ANKRD62: variants seen among roughly 807,000 people sequenced by gnomAD.
ANKRD62 encodes the protein ankyrin repeat domain-containing protein 62.
In ANKRD62, 61 loss-of-function variants were observed where a neutral mutation model predicts 98.8. The ratio of observed to expected loss-of-function variants is 0.62; its 90% CI spans 0.50 to 0.76. The LOEUF (loss-of-function observed/expected upper bound fraction) is 0.76, where lower values mean the gene tolerates loss of function less well. Among genes scored for constraint, ANKRD62 ranks in the 30% least tolerant of loss-of-function variants. The pLI, the probability that ANKRD62 is intolerant of heterozygous loss-of-function variation, is 0.00. For missense variants in ANKRD62, 933 were observed against 1,082.9 expected, an observed-to-expected ratio of 0.86 and a Z score of 1.94; for synonymous variants, 341 against 367.9, an observed-to-expected ratio of 0.93 and a Z score of 0.84.
chr18:12,174,397 C>T, the ANKRD62 span, among the ~76,000 whole-genome samples: 3 of 152,246 alleles, frequency 2.0e-5, no homozygotes, highest in Non-Finnish European at 2.9e-5. Flanking sequence ...TCAGCTCGTG[C>T]GTTGTTTTAT....
intron 7 of ANKRD62, among the ~76,000 whole-genome samples, chr18:12,104,863 T>C (rs1909379797): frequency 6.6e-6 from 1 of 152,214 alleles, no homozygotes; most frequent in African/African-American, 2.4e-5. Context: ...TTGCCAGTCA[T>C]CTTCTGATTT....
chr18:12,120,018 G>A (rs1239058430), intron 10 of ANKRD62, among the ~76,000 whole-genome samples: 1 of 151,812 alleles, frequency 6.6e-6, no homozygotes, highest in Non-Finnish European at 1.5e-5. Context: ...TTTTGTTATT[G>A]GTTTCTAATA....
At chr18:12,095,361 G>C (rs911096228) in intron 2 of ANKRD62, 76 bp downstream of exon 2, 1 of 1,532,890 alleles carries the variant, frequency 6.5e-7, no homozygotes. Context: ...TCACCTCATT[G>C]AAATGTGACT....
chr18:12,164,564 A>T, the ANKRD62 span, among the ~76,000 whole-genome samples: 1 of 151,816 alleles, frequency 6.6e-6, no homozygotes, highest in African/African-American at 2.4e-5. Context: ...GTTCTTTAAG[A>T]TGCATTATTG....
At chr18:12,165,505 A>G in the ANKRD62 span, among the ~76,000 whole-genome samples, 1 of 151,924 alleles carries the variant, frequency 6.6e-6, no homozygotes, top group Non-Finnish European at 1.5e-5. Flanking sequence ...ACATAATTGC[A>G]TAAACAAACA....
rs1461362276 is a variant in ANKRD62, at chr18:12,125,774, A to G, written c.1953A>G (p.Thr651=). Residue 651 remains threonine, a synonymous_variant, in exon 13 of 14, where the codon ACA becomes ACG. Transcript: ENST00000587848. The part of the protein sequence containing the change: ...KEKQSMSRLE[T]EMESYRCRLA... ...AACAAAGCATGTCAAGACTGGAAAC[A>G]GAAATGGAATCATACCGTTGTAGAC... is the stretch of plus-strand genomic sequence containing the variant. 20 of 1,548,716 alleles carry G rather than the reference A, an allele frequency of 1.3e-5. No individual in the cohort carries two copies. The highest frequency in any genetic ancestry group is 1.2e-5 in the Non-Finnish European group (14 of 1,147,058).
chr18:12,156,757 TG>T, the ANKRD62 span, among the ~76,000 whole-genome samples: 1 of 151,602 alleles, frequency 6.6e-6, no homozygotes, highest in African/African-American at 2.4e-5. Context: ...TGAATATTTT[TG>T]TTTTCATAAA....
At chr18:12,124,526 A>G (rs1598738143) in intron 12 of ANKRD62, among the ~76,000 whole-genome samples, 1 of 152,142 alleles carries the variant, frequency 6.6e-6, no homozygotes. Context: ...GAAAACAATG[A>G]TATCCCATAA....
the ANKRD62 span, among the ~76,000 whole-genome samples, chr18:12,135,634 G>C: frequency 6.6e-6 from 1 of 151,480 alleles, no homozygotes; most frequent in African/African-American, 2.4e-5. Context: ...TTCCACAATG[G>C]TTGAACTAGT....
the ANKRD62 span, among the ~76,000 whole-genome samples, chr18:12,168,741 A>G: frequency 1.3e-5 from 2 of 152,158 alleles, no homozygotes; most frequent in African/African-American, 4.8e-5. Context: ...GGCCATTTTC[A>G]CGATATTGAT....
Position 12,128,654 on chromosome 18 carries a change from G to T in ANKRD62, c.*715G>T, listed in dbSNP as rs1909943054. On this transcript the variant is annotated 3_prime_UTR_variant, in exon 14 of 14. Coordinates refer to ENST00000587848, the MANE Select transcript of ANKRD62 (RefSeq NM_001277333.2). ...TTTAAATAAATTATCTCCTAATGAT[G>T]ACATGAGCCCTGCCACTCGATAGGA... 6.6e-6 allele frequency: 1 copy of T among 152,168 alleles called. No individual in the cohort carries two copies. Among genetic ancestry groups the T allele is most frequent in the African/African-American group, 2.4e-5 (1 of 41,422 alleles). 9.4% of individuals were successfully genotyped at this position (152,168 alleles called of 1,614,324 possible).
chr18:12,157,373 GC>G, the ANKRD62 span, among the ~76,000 whole-genome samples: 1 of 152,098 alleles, frequency 6.6e-6, no homozygotes, highest in Admixed American at 6.5e-5. Context: ...GATGAACCAG[GC>G]CCTATCCTCG....
downstream of ANKRD62, among the ~76,000 whole-genome samples, chr18:12,130,511 ATGTT>A (rs1228752467): frequency 6.6e-6 from 1 of 152,208 alleles, no homozygotes; most frequent in East Asian, 1.9e-4. Flanking sequence ...CTTGTCCAAA[ATGTT>A]TGGGAGGACC....
chr18:12,106,169 C>T (rs1909409139), intron 7 of ANKRD62, among the ~76,000 whole-genome samples: 1 of 152,142 alleles, frequency 6.6e-6, no homozygotes, highest in Admixed American at 6.6e-5. Flanking sequence ...TAGATATCTC[C>T]ACCTATTTTT....
rs1013590435 is a variant in ANKRD62 at position 12,095,079 on chromosome 18, A to G, written c.219-92A>G. On this transcript the variant is annotated intron_variant, in intron 1 of 13. Transcript: ENST00000587848. ...CTATTTGTTCTGAAGGCAGAGGGAT[A>G]ACATACTATTGGATGTTTACAATTG... 20 of 912,854 alleles carry G rather than the reference A, an allele frequency of 2.2e-5. No homozygotes were observed. The African/African-American group carries it at 3.3e-4, about 15-fold the overall frequency. 56.5% of individuals were successfully genotyped at this position (912,854 alleles called of 1,614,324 possible). A position where few individuals can be genotyped will look rare whatever the true frequency, so the allele number is the denominator to read the frequency against.
chr18:12,096,371 C>A, intron 4 of ANKRD62, 69 bp downstream of exon 4: 3 of 812,822 alleles, frequency 3.7e-6, no homozygotes, highest in South Asian at 2.0e-5. Context: ...AGTCACTTGT[C>A]AGAAATATTA....
chr18:12,125,741 G>A lies in ANKRD62; in HGVS notation c.1920G>A (p.Gln640=). 1.3e-6 allele frequency: 2 copies of A among 1,545,296 alleles called. No individual in the cohort carries two copies. The highest frequency in any genetic ancestry group is 1.7e-6 in the Non-Finnish European group (2 of 1,146,964). Residue 640 remains glutamine (Q), a synonymous_variant, in exon 13 of 14, where the codon CAG becomes CAA. Coordinates refer to ENST00000587848, the MANE Select transcript of ANKRD62 (RefSeq NM_001277333.2). The stretch of plus-strand genomic sequence containing the variant: ...ATACAATGCTCAATTCTGAGCTACA[G>A]AAGGAAAAACAAAGCATGTCAAGAC... ...DENTMLNSEL[Q]KEKQSMSRLE...
chr18:12,157,065 T>G, the ANKRD62 span, among the ~76,000 whole-genome samples: 1 of 152,204 alleles, frequency 6.6e-6, no homozygotes, highest in African/African-American at 2.4e-5. Flanking sequence ...AGAGCCACTG[T>G]GCCCAGCCCA....
chr18:12,163,895 A>G, the ANKRD62 span, among the ~76,000 whole-genome samples: 1 of 151,828 alleles, frequency 6.6e-6, no homozygotes, highest in Admixed American at 6.6e-5. Flanking sequence ...TTTTTTTAAT[A>G]TATTGTCGAA....
Sources: gnomAD v4.1 joint callset for allele counts (sites outside exome capture counted in the v4.1 genomes callset) on GRCh38, gnomAD v4.1.1 for gene constraint, MANE v1.5 for transcripts, NCBI Gene and HGNC (gene_info 2026-07-23, HGNC 2026-07-21) for gene names.